The following TAB2 variants were observed in gnomAD, a reference collection of about 807,000 sequenced individuals.
TAB2 encodes the protein TGF-beta activated kinase 1 (MAP3K7) binding protein 2.
TAB2 carries 3 observed loss-of-function variants against 65.0 expected under a neutral mutation model. That is an observed-to-expected ratio of 0.05 (90% CI 0.02 to 0.12). TAB2 has a LOEUF of 0.12. Ranked by LOEUF, TAB2 falls within the 10% of genes least tolerant of loss-of-function variation. The probability of loss-of-function intolerance (pLI) is 1.00; values close to 1 mark genes in which losing one functional copy is unlikely to be tolerated. For synonymous variants in TAB2, 298 were observed against 285.1 expected (o/e 1.05, Z -0.46); for missense variants, 623 against 840.3 (o/e 0.74, Z 3.20).
At chr6:149,399,036 C>G (rs1782274227) in intron 5 of TAB2, 68 bp from the exon 6 acceptor site, 1 of 1,350,784 alleles carries the variant, frequency 7.4e-7, no homozygotes, top group African/African-American at 1.4e-5. Context: ...GAAAGAAATA[C>G]TTGTTTTAAA....
intron 1 of TAB2, among the ~76,000 whole-genome samples, chr6:149,250,303 A>G (rs1351009421): frequency 7.5e-6 from 1 of 134,002 alleles, no homozygotes; most frequent in East Asian, 2.2e-4. Flanking sequence ...GAATTCACCA[A>G]ACTTTTTTTT....
intron 1 of TAB2, among the ~76,000 whole-genome samples, chr6:149,311,627 T>C (rs1316705763): frequency 6.6e-6 from 1 of 152,126 alleles, no homozygotes; most frequent in African/African-American, 2.4e-5. Flanking sequence ...GAATTGGTAG[T>C]AGTAGTAGTA....
At chr6:149,367,332 A>G (rs1366516622) in intron 1 of TAB2, among the ~76,000 whole-genome samples, 1 of 152,054 alleles carries the variant, frequency 6.6e-6, no homozygotes, top group Non-Finnish European at 1.5e-5. Context: ...GACATAAGAG[A>G]AGGGAGTTGC....
chr6:149,400,392 A>G lies in TAB2; in HGVS notation c.1939+1208A>G, dbSNP rs78701690. 1,120 of 1,613,946 alleles carry G rather than the reference A, an allele frequency of 6.9e-4. 13 individuals are homozygous for G. In the African/African-American group the frequency reaches 0.011, roughly 17 times the overall value. Reference sequence around the variant, plus strand: ...AGCTGAGGAGACTCCGGTGTTCACCATGGCCAACGAAAAGCCCACAGAAGA... The same window carrying G: ...AGCTGAGGAGACTCCGGTGTTCACCGTGGCCAACGAAAAGCCCACAGAAGA... On this transcript the variant is annotated intron_variant, in intron 6 of 6. Coordinates refer to ENST00000637181, the MANE Select transcript of TAB2 (RefSeq NM_001292034.3).
At chr6:149,357,870 T>C (rs1349212163) in intron 1 of TAB2, among the ~76,000 whole-genome samples, 3 of 152,126 alleles carry the variant, frequency 2.0e-5, no homozygotes, top group African/African-American at 7.2e-5. Context: ...CGGCTGATTT[T>C]TTGTATTTTT....
Position 149,409,856 on chromosome 6 carries a change from A to G in TAB2, c.*137A>G. On this transcript the variant is annotated 3_prime_UTR_variant, in exon 7 of 7. Coordinates refer to ENST00000637181, the MANE Select transcript of TAB2 (RefSeq NM_001292034.3). Reference sequence around the variant, plus strand: ...CAAGATGGTGTTCTGCTAATGTTAAATGTCAGCCCACAGAGCTAATAATAC... The same window carrying G: ...CAAGATGGTGTTCTGCTAATGTTAAGTGTCAGCCCACAGAGCTAATAATAC... The G allele has an allele frequency of 1.0e-6, 1 of 974,824 alleles. No individual in the cohort carries two copies. The highest frequency in any genetic ancestry group is 1.4e-5 in the South Asian group (1 of 74,052). 60.4% of individuals were successfully genotyped at this position (974,824 alleles called of 1,614,324 possible).
At chr6:149,242,991 CT>C (rs1275673804) in intron 1 of TAB2, among the ~76,000 whole-genome samples, 2 of 152,236 alleles carry the variant, frequency 1.3e-5, no homozygotes, top group Non-Finnish European at 2.9e-5. Context: ...GGATCTGCAT[CT>C]GTAATTCCAT....
intron 1 of TAB2, among the ~76,000 whole-genome samples, chr6:149,349,095 G>A (rs1780401297): frequency 6.6e-6 from 1 of 151,984 alleles, no homozygotes; most frequent in East Asian, 1.9e-4. Flanking sequence ...ATGGAAGGGA[G>A]CACAGGAAGA....
At chr6:149,321,379 T>TA (rs1260330737) in intron 1 of TAB2, 5 of 152,180 alleles carry the variant, frequency 3.3e-5, no homozygotes, top group Non-Finnish European at 7.4e-5. Context: ...CTCAGAAAGC[T>TA]AAAAAACCTG....
At chr6:149,300,340 G>T (rs953679871) in intron 1 of TAB2, among the ~76,000 whole-genome samples, 1 of 152,144 alleles carries the variant, frequency 6.6e-6, no homozygotes, top group Non-Finnish European at 1.5e-5. Context: ...GCTGAATTGT[G>T]GGTGCGAGGT....
chr6:149,327,472 G>C (rs2114743571), intron 1 of TAB2, among the ~76,000 whole-genome samples: 1 of 152,312 alleles, frequency 6.6e-6, no homozygotes, highest in East Asian at 1.9e-4. Flanking sequence ...TGGCAACTTG[G>C]TTAATTTTTA....
At chr6:149,254,116 CAGGGA>C (rs1278287679) in intron 1 of TAB2, among the ~76,000 whole-genome samples, 2 of 65,622 alleles carry the variant, frequency 3.0e-5, no homozygotes, top group Non-Finnish European at 6.2e-5. Context: ...GAAGGAAGGA[CAGGGA>C]AGGGAAGGGA....
At chr6:149,312,782 T>C (rs1233972846), upstream of TAB2, among the ~76,000 whole-genome samples, 1 of 152,236 alleles carries the variant, frequency 6.6e-6, no homozygotes, top group Non-Finnish European at 1.5e-5. Flanking sequence ...TACAACACGA[T>C]GTCTTGTACA....
intron 3 of TAB2, among the ~76,000 whole-genome samples, chr6:149,396,324 T>A (rs1782169179): frequency 6.6e-6 from 1 of 152,092 alleles, no homozygotes; most frequent in Admixed American, 6.6e-5. Context: ...CAGCCTGGAA[T>A]TTTTTTCTTA....
At chr6:149,267,862 G>A (rs779121541) in intron 1 of TAB2, among the ~76,000 whole-genome samples, 3 of 152,136 alleles carry the variant, frequency 2.0e-5, no homozygotes, top group South Asian at 2.1e-4. Flanking sequence ...CATAGAAAAC[G>A]TACAGTGAAA....
chr6:149,393,344 A>G (rs566630814), intron 3 of TAB2, among the ~76,000 whole-genome samples: 45 of 152,356 alleles, frequency 3.0e-4, no homozygotes, highest in Middle Eastern at 3.4e-3. Context: ...CAGACTAATC[A>G]TAAGAGATAC....
intron 1 of TAB2, among the ~76,000 whole-genome samples, chr6:149,224,569 G>T (rs541496670): frequency 2.0e-5 from 3 of 152,084 alleles, no homozygotes; most frequent in African/African-American, 4.8e-5. Context: ...CACTTACGGC[G>T]GTTCTCACTC....
chr6:149,321,525 C>A (rs756055156), intron 1 of TAB2: 6 of 152,150 alleles, frequency 3.9e-5, no homozygotes, highest in Non-Finnish European at 8.8e-5. Context: ...TCTCTCAAAA[C>A]AGCCTATTTA....
chr6:149,386,137 T>C (rs1216813188), intron 3 of TAB2, among the ~76,000 whole-genome samples: 1 of 152,204 alleles, frequency 6.6e-6, no homozygotes, highest in Admixed American at 6.5e-5. Flanking sequence ...ACTATACACA[T>C]GGGTCTGTGA....
Sources: gnomAD v4.1 joint callset for allele counts (sites outside exome capture counted in the v4.1 genomes callset) on GRCh38, gnomAD v4.1.1 for gene constraint, MANE v1.5 for transcripts, NCBI Gene and HGNC (gene_info 2026-07-23, HGNC 2026-07-21) for gene names.